AKAP12: variants seen among roughly 807,000 people sequenced by gnomAD.
The protein encoded by AKAP12 is A-kinase anchoring protein 12, also known as A-kinase anchor protein 12.
A neutral mutation model predicts 79.9 loss-of-function variants in AKAP12; 32 were observed. That is an observed-to-expected ratio of 0.40 (90% CI 0.30 to 0.54). AKAP12 has a LOEUF of 0.54. Ranked by LOEUF, AKAP12 falls within the 20% of genes least tolerant of loss-of-function variation. The pLI, the probability that AKAP12 is intolerant of heterozygous loss-of-function variation, is 0.48. For synonymous variants in AKAP12, 808 were observed against 857.0 expected (o/e 0.94, Z 1.00); for missense variants, 2,074 against 2,177.0 (o/e 0.95, Z 0.94).
chr6:151,299,340 G>A (rs1219930176), intron 2 of AKAP12, among the ~76,000 whole-genome samples: 1 of 152,134 alleles, frequency 6.6e-6, no homozygotes, highest in African/African-American at 2.4e-5. Flanking sequence ...GAGTTTTAGG[G>A]TTCAATGTAT....
chr6:151,342,900 C>T (rs1469065015), intron 3 of AKAP12, among the ~76,000 whole-genome samples: 5 of 152,062 alleles, frequency 3.3e-5, no homozygotes, highest in African/African-American at 1.2e-4. Flanking sequence ...GTAGCTGAGA[C>T]TACAGGCATG....
In AKAP12 at chr6:151,357,791, T is replaced by G. The variant is rs964124853; in HGVS notation, c.*2077T>G. ...AGTTCTGAACATCAACTAAAGAGTTTTGGAAATGACAGCAATTTATAACAA... is the reference window on the plus strand; with the variant it reads ...AGTTCTGAACATCAACTAAAGAGTTGTGGAAATGACAGCAATTTATAACAA... On this transcript the variant is annotated 3_prime_UTR_variant, in exon 5 of 5. Transcript: ENST00000402676. 40 of 151,950 alleles carry G rather than the reference T, an allele frequency of 2.6e-4. No homozygotes were observed. The highest frequency in any genetic ancestry group is 9.4e-4 in the African/African-American group (39 of 41,414). 9.4% of individuals were successfully genotyped at this position (151,950 alleles called of 1,614,324 possible).
intron 2 of AKAP12, among the ~76,000 whole-genome samples, chr6:151,267,731 C>T (rs2114707047): frequency 1.3e-5 from 2 of 152,286 alleles, no homozygotes; most frequent in African/African-American, 4.8e-5. Context: ...TAGAATGTAG[C>T]CATAAAAAGA....
In AKAP12 at chr6:151,312,268, C is replaced by T. The variant is rs112379646; in HGVS notation, c.319+6365C>T. On this transcript the variant is annotated intron_variant, in intron 3 of 4. Coordinates refer to ENST00000402676, the MANE Select transcript of AKAP12 (RefSeq NM_005100.4). Reference sequence around the variant, plus strand: ...GGCGGATCACTTGAGCCCAGGAGTTCGAGACCAATCTGGGAAGCATAGTGA... The same window carrying T: ...GGCGGATCACTTGAGCCCAGGAGTTTGAGACCAATCTGGGAAGCATAGTGA... Among the ~76,000 whole-genome samples, 17 of 148,148 alleles carry T rather than the reference C, an allele frequency of 1.1e-4. 2 individuals carry two copies. The highest frequency in any genetic ancestry group is 8.7e-4 in the South Asian group (4 of 4,572).
chr6:151,333,052 A>T (rs1006186203), intron 3 of AKAP12, among the ~76,000 whole-genome samples: 1 of 152,234 alleles, frequency 6.6e-6, no homozygotes, highest in Non-Finnish European at 1.5e-5. Flanking sequence ...TCCACATATC[A>T]GTGATCCCAA....
chr6:151,318,615 G>C (rs760859624), intron 3 of AKAP12, among the ~76,000 whole-genome samples: 1 of 152,082 alleles, frequency 6.6e-6, no homozygotes, highest in Non-Finnish European at 1.5e-5. Flanking sequence ...CAATGTGCGG[G>C]GTTCTTTGAG....
chr6:151,330,760 A>G (rs1482107485), intron 3 of AKAP12, among the ~76,000 whole-genome samples: 1 of 152,132 alleles, frequency 6.6e-6, no homozygotes, highest in East Asian at 1.9e-4. Context: ...CCTCTAAAAG[A>G]AAACAATTTA....
intron 2 of AKAP12, among the ~76,000 whole-genome samples, chr6:151,300,625 G>C (rs1267788699): frequency 6.6e-6 from 1 of 152,122 alleles, no homozygotes; most frequent in Non-Finnish European, 1.5e-5. Flanking sequence ...TAGTTTTTCT[G>C]TGGTGCCTTG....
intron 3 of AKAP12, among the ~76,000 whole-genome samples, chr6:151,336,859 A>G (rs9479012): frequency 0.18 from 27,517 of 152,178 alleles, 3,838 homozygotes; most frequent in African/African-American, 0.4. Flanking sequence ...TGCCGTTTGT[A>G]TGTCTTCTTT....
At chr6:151,298,917 C>G (rs150882371) in intron 2 of AKAP12, 1 of 152,150 alleles carries the variant, frequency 6.6e-6, no homozygotes, top group Non-Finnish European at 1.5e-5. Flanking sequence ...TGATAACCCA[C>G]TACCATCGGA....
chr6:151,318,241 C>T (rs1777279175), intron 3 of AKAP12, among the ~76,000 whole-genome samples: 1 of 152,200 alleles, frequency 6.6e-6, no homozygotes, highest in African/African-American at 2.4e-5. Flanking sequence ...CACTGGCCTC[C>T]TGATCTCTGA....
In AKAP12 at chr6:151,302,324, T is replaced by C. The variant is rs145162134; in HGVS notation, c.163-3423T>C. ...TGCGCCTGGTGTAACATCTCTTTTT[T>C]AAATGATGTTTTTATTTGGAGACGA... On this transcript the variant is annotated intron_variant, in intron 2 of 4. Coordinates refer to ENST00000402676, the MANE Select transcript of AKAP12 (RefSeq NM_005100.4). Among the ~76,000 whole-genome samples, 870 of 152,274 alleles carry C rather than the reference T, an allele frequency of 5.7e-3. 6 individuals are homozygous for C. The highest frequency in any genetic ancestry group is 0.013 in the Admixed American group (197 of 15,292).
intron 3 of AKAP12, among the ~76,000 whole-genome samples, chr6:151,330,666 C>T (rs989759095): frequency 1.6e-4 from 25 of 152,052 alleles, no homozygotes; most frequent in African/African-American, 5.3e-4. Flanking sequence ...TCACTGAAAC[C>T]TGATAGCTAA....
intron 2 of AKAP12, among the ~76,000 whole-genome samples, chr6:151,281,364 C>T (rs139506056): frequency 3.2e-4 from 49 of 152,254 alleles, no homozygotes; most frequent in Admixed American, 5.2e-4. Context: ...TTTAAGTTTG[C>T]CTTGACTTTT....
chr6:151,313,140 C>T (rs1316348138), intron 3 of AKAP12, among the ~76,000 whole-genome samples: 2 of 152,124 alleles, frequency 1.3e-5, no homozygotes, highest in East Asian at 1.9e-4. Context: ...AAAGCCAGAC[C>T]CTTTCCAGGA....
intron 2 of AKAP12, among the ~76,000 whole-genome samples, chr6:151,281,471 C>G (rs890411088): frequency 1.2e-4 from 19 of 152,108 alleles, no homozygotes; most frequent in African/African-American, 4.6e-4. Context: ...ATTTAGTGCC[C>G]ACTTTATCTT....
chr6:151,348,678 T>TGTGGGGGGGGG, intron 3 of AKAP12, 33 bp from the exon 4 acceptor site: 3 of 374,896 alleles, frequency 8.0e-6, no homozygotes, highest in Admixed American at 3.9e-5. Context: ...CCTTTTCTCT[T>TGTGGGGGGGGG]CTCCCCACCC....
At chr6:151,321,623 T>C (rs1426770938) in intron 3 of AKAP12, among the ~76,000 whole-genome samples, 2 of 152,198 alleles carry the variant, frequency 1.3e-5, no homozygotes, top group African/African-American at 2.4e-5. Flanking sequence ...TTTTGGCTAC[T>C]AGGAATATTA....
chr6:151,268,644 GT>G (rs1010745988), intron 2 of AKAP12, among the ~76,000 whole-genome samples: 9 of 151,982 alleles, frequency 5.9e-5, no homozygotes, highest in African/African-American at 2.2e-4. Flanking sequence ...GTTTGTTTGA[GT>G]TTTTTTAAAT....
Sources: gnomAD v4.1 joint callset for allele counts (sites outside exome capture counted in the v4.1 genomes callset) on GRCh38, gnomAD v4.1.1 for gene constraint, MANE v1.5 for transcripts, NCBI Gene and HGNC (gene_info 2026-07-23, HGNC 2026-07-21) for gene names.